The following ADAM28 variants were observed in gnomAD, a reference collection of about 807,000 sequenced individuals.
ADAM28 encodes disintegrin and metalloproteinase domain-containing protein 28.
A neutral mutation model predicts 101.2 loss-of-function variants in ADAM28; 105 were observed. The observed-to-expected ratio is 1.04, with a 90% CI of 0.89 to 1.22. The LOEUF (loss-of-function observed/expected upper bound fraction) is 1.22, where lower values mean the gene tolerates loss of function less well. ADAM28 is among the 50% of genes most tolerant of loss of function. The pLI, the probability that ADAM28 is intolerant of heterozygous loss-of-function variation, is 0.00. For missense variants in ADAM28, 1,028 were observed against 945.4 expected (o/e 1.09, Z -1.15); for synonymous variants, 322 against 310.6 (o/e 1.04, Z -0.39).
intron 6 of ADAM28, among the ~76,000 whole-genome samples, chr8:24,314,685 G>T (rs1272013970): frequency 6.6e-6 from 1 of 151,864 alleles, no homozygotes; most frequent in Non-Finnish European, 1.5e-5. Flanking sequence ...GTGCTCTGTA[G>T]ATCACATATA....
Position 24,332,667 on chromosome 8 carries a change from C to A in ADAM28, c.1289C>A (p.Thr430Asn). ...DCDCGTSEEC[T>N]NICCDAKTCK... ...GTTTCTCATATTTCTTAGGAATGTA[C>A]CAATATTTGCTGTGATGCTAAGACA... Residue 430 changes from threonine to asparagine, a missense_variant, in exon 13 of 23, where the codon ACC becomes AAC. Transcript: ENST00000265769. 2 of 1,499,526 alleles carry A rather than the reference C, an allele frequency of 1.3e-6. No homozygotes were observed. Among genetic ancestry groups the A allele is most frequent in the Non-Finnish European group, 1.8e-6 (2 of 1,113,194 alleles). The allele number at this position is 1,499,526 out of a possible 1,614,324, so 92.9% of individuals were successfully genotyped here. A position where few individuals can be genotyped will look rare whatever the true frequency, so the allele number is the denominator to read the frequency against.
intron 9 of ADAM28, among the ~76,000 whole-genome samples, chr8:24,325,270 C>T (rs1003961596): frequency 5.9e-5 from 9 of 151,726 alleles, no homozygotes; most frequent in Non-Finnish European, 7.4e-5. Context: ...AAATAAATGA[C>T]GATACAATGT....
Position 24,331,261 on chromosome 8 carries a change from A to AT in ADAM28, c.1216dup (p.Ser406PhefsTer17), listed in dbSNP as rs1227605809. On this transcript the variant is annotated frameshift_variant, in exon 12 of 23. Coordinates refer to ENST00000265769, the MANE Select transcript of ADAM28 (RefSeq NM_014265.6). LOFTEE classifies it high-confidence loss of function. Reference sequence around the variant, plus strand: ...ATGCTCCATTGCCTACAGATATCATATCCACTCCAATTTGTGGGAACCAGT... The same window carrying AT: ...ATGCTCCATTGCCTACAGATATCATATTCCACTCCAATTTGTGGGAACCAGT... 1 of 1,612,746 alleles carries AT rather than the reference A, an allele frequency of 6.2e-7. No homozygotes were observed. The highest frequency in any genetic ancestry group is 1.3e-5 in the African/African-American group (1 of 74,852).
At position 24,306,353 on chromosome 8, in the gene ADAM28, TAAATAA is replaced by T. The variant is rs1440945602; in HGVS notation, c.151-3539_151-3534del. 1.9e-3 allele frequency among the ~76,000 whole-genome samples: 243 copies of T among 130,612 alleles called. 2 individuals carry two copies. Among genetic ancestry groups the T allele is most frequent in the South Asian group, 4.2e-3 (19 of 4,558 alleles). 85.7% of individuals were successfully genotyped at this position (130,612 alleles called of 152,430 possible). A position where few individuals can be genotyped will look rare whatever the true frequency, so the allele number is the denominator to read the frequency against. ...AGTGAGACTCCATCTCAAATACAAATAAATAAATAAATATATATATATATATATATA... is the reference window on the plus strand; with the variant it reads ...AGTGAGACTCCATCTCAAATACAAATATAAATATATATATATATATATATA... On this transcript the variant is annotated intron_variant, in intron 2 of 22. Coordinates refer to ENST00000265769, the MANE Select transcript of ADAM28 (RefSeq NM_014265.6).
In ADAM28 at chr8:24,323,850, A is replaced by G. The variant is rs1372924030; in HGVS notation, c.737A>G (p.Asn246Ser). The G allele has an allele frequency of 4.3e-6, 7 of 1,611,350 alleles. No individual in the cohort carries two copies. The highest frequency in any genetic ancestry group is 3.4e-6 in the Non-Finnish European group (4 of 1,178,398). ...NYVNMLYKKL[N>S]THVALVGMEI... ...TTTGGACAGCTTTATAAAAAGCTCA[A>G]TACTCATGTGGCCTTAGTTGGTATG... The change falls in exon 9 of 23, where the codon AAT becomes AGT. Residue 246 changes from asparagine to serine, a missense_variant. By Grantham distance (46) the Asn-to-Ser change is conservative. Transcript: ENST00000265769.
intron 19 of ADAM28, among the ~76,000 whole-genome samples, chr8:24,350,195 T>C (rs1475118712): frequency 6.6e-6 from 1 of 152,178 alleles, no homozygotes; most frequent in Non-Finnish European, 1.5e-5. Context: ...GTCACCGTAG[T>C]TATAATAATA....
intron 2 of ADAM28, among the ~76,000 whole-genome samples, chr8:24,307,273 A>G (rs369027742): frequency 6.6e-6 from 1 of 152,178 alleles, no homozygotes; most frequent in South Asian, 2.1e-4. Context: ...ACTTCTCAAG[A>G]CAGTGAACAG....
chr8:24,323,945 A>T lies in ADAM28; in HGVS notation c.832A>T (p.Lys278Ter). Residue 278 changes from lysine (K) to a stop codon, truncating the protein, a stop_gained, in exon 9 of 23, where the codon AAA (lysine) becomes TAA (stop). Transcript: ENST00000265769. LOFTEE classifies it high-confidence loss of function. The part of the protein sequence containing the change: ...NASFTLENFS[K>*]WRGSVLSRRK... Reference sequence around the variant, plus strand: ...AAGCTTCACCTTGGAGAATTTTTCTAAATGGAGGGGGAGTGTTCTCTCAAG... The same window carrying T: ...AAGCTTCACCTTGGAGAATTTTTCTTAATGGAGGGGGAGTGTTCTCTCAAG... The T allele has an allele frequency of 1.2e-6, 2 of 1,612,214 alleles. No individual in the cohort carries two copies. The highest frequency in any genetic ancestry group is 2.2e-5 in the South Asian group (2 of 91,032).
intron 7 of ADAM28, among the ~76,000 whole-genome samples, chr8:24,320,761 A>G (rs1463242016): frequency 6.6e-6 from 1 of 151,980 alleles, no homozygotes; most frequent in East Asian, 1.9e-4. Context: ...TACTGTAAGA[A>G]TGCATTTTCA....
chr8:24,323,678 A>G (rs1286301711), intron 8 of ADAM28, among the ~76,000 whole-genome samples, 156 bp from the exon 9 acceptor site: 1 of 151,984 alleles, frequency 6.6e-6, no homozygotes, highest in Middle Eastern at 3.2e-3. Context: ...TTTAGTGTCT[A>G]CAAAATAGTC....
chr8:24,348,372 C>T (rs79880388), intron 18 of ADAM28, among the ~76,000 whole-genome samples: 11,632 of 152,116 alleles, frequency 0.076, 805 homozygotes, highest in African/African-American at 0.18. Flanking sequence ...GTGGAGTATT[C>T]GTTGATGGTA....
chr8:24,354,388 C>A lies in ADAM28; in HGVS notation c.2312C>A (p.Ser771Ter). 6.3e-7 allele frequency: 1 copy of A among 1,598,646 alleles called. No individual in the cohort carries two copies. The highest frequency in any genetic ancestry group is 1.1e-5 in the South Asian group (1 of 88,380). ...KDNPVSTPKD[S>*]NPKA ...TAGAAGTTATGTCTTTTTTAGGACT[C>A]AAATCCAAAAGCATGAAGCAACAGC... Residue 771 changes from serine (S) to a stop codon, truncating the protein, a stop_gained, in exon 23 of 23, where the codon TCA (serine) becomes TAA (stop). Transcript: ENST00000265769. LOFTEE classifies it high-confidence loss of function.
intron 2 of ADAM28, among the ~76,000 whole-genome samples, chr8:24,306,375 T>G (rs1357192382): frequency 7.2e-6 from 1 of 139,088 alleles, no homozygotes; most frequent in Non-Finnish European, 1.5e-5. Context: ...TATATATATA[T>G]ATATATATAT....
intron 14 of ADAM28, chr8:24,336,212 C>G: frequency 8.4e-6 from 8 of 948,240 alleles, no homozygotes; most frequent in Non-Finnish European, 1.0e-5. Context: ...AGACCATATT[C>G]TCTAATTTCA....
intron 19 of ADAM28, among the ~76,000 whole-genome samples, chr8:24,350,183 T>TAGTC (rs1483843844): frequency 2.0e-5 from 3 of 152,200 alleles, no homozygotes; most frequent in Non-Finnish European, 4.4e-5. Context: ...TTCCTTCTGT[T>TAGTC]AGTCACCGTA....
chr8:24,321,563 C>T (rs554118801), intron 8 of ADAM28: 6 of 392,296 alleles, frequency 1.5e-5, no homozygotes, highest in South Asian at 7.5e-5. Flanking sequence ...TCCAAAAATC[C>T]GCTAAGAAAA....
intron 14 of ADAM28, among the ~76,000 whole-genome samples, chr8:24,337,917 T>C (rs550121388): frequency 6.6e-6 from 1 of 152,338 alleles, no homozygotes; most frequent in East Asian, 1.9e-4. Context: ...TTTAACTCAT[T>C]AGCAATATAC....
chr8:24,294,522 C>A (rs1807699997), intron 1 of ADAM28, among the ~76,000 whole-genome samples: 1 of 152,100 alleles, frequency 6.6e-6, no homozygotes, highest in Admixed American at 6.5e-5. Context: ...TTCATCAAAA[C>A]CCAGCTTGTC....
chr8:24,327,951 A>G (rs373921064), intron 10 of ADAM28, among the ~76,000 whole-genome samples: 1 of 152,048 alleles, frequency 6.6e-6, no homozygotes, highest in East Asian at 1.9e-4. Context: ...TTAGATATCC[A>G]TCTTTCATTG....
Sources: gnomAD v4.1 joint callset for allele counts (sites outside exome capture counted in the v4.1 genomes callset) on GRCh38, gnomAD v4.1.1 for gene constraint, MANE v1.5 for transcripts, NCBI Gene and HGNC (gene_info 2026-07-23, HGNC 2026-07-21) for gene names.